BICD1: variants seen among roughly 807,000 people sequenced by gnomAD.
BICD1 encodes protein bicaudal D homolog 1.
Under a neutral mutation model 92.5 loss-of-function variants are expected in BICD1, and 35 were observed. That is an observed-to-expected ratio of 0.38 (90% CI 0.29 to 0.50). The LOEUF (loss-of-function observed/expected upper bound fraction) is 0.50, where lower values mean the gene tolerates loss of function less well. Among genes scored for constraint, BICD1 ranks in the 20% least tolerant of loss-of-function variants. The probability of loss-of-function intolerance (pLI) is 0.93; values close to 1 mark genes in which losing one functional copy is unlikely to be tolerated. For synonymous variants in BICD1, 429 were observed against 465.1 expected (o/e 0.92, Z 1.00); for missense variants, 950 against 1,189.8 (o/e 0.80, Z 2.97).
At position 32,239,653 on chromosome 12, in the gene BICD1, G is replaced by A. The variant is rs1343623676; in HGVS notation, c.426+23194G>A. Among the ~76,000 whole-genome samples the A allele has an allele frequency of 2.6e-5, 4 of 151,718 alleles. No homozygotes were observed. The South Asian group carries it at 8.3e-4, about 32-fold the overall frequency. Reference sequence around the variant, plus strand: ...TTTTGCTCTTGTTGCCCAGCCTGGAGTGCAACAAGAGCTGGCATGATCTCA... The same window carrying A: ...TTTTGCTCTTGTTGCCCAGCCTGGAATGCAACAAGAGCTGGCATGATCTCA... On this transcript the variant is annotated intron_variant, in intron 2 of 9. Transcript: ENST00000652176.
chr12:32,357,279 C>T (rs2136315134), intron 8 of BICD1, among the ~76,000 whole-genome samples: 1 of 152,282 alleles, frequency 6.6e-6, no homozygotes, highest in Admixed American at 6.5e-5. Context: ...TCCTAAAGTG[C>T]TGGGATTACA....
chr12:32,165,682 C>CAAAAA (rs35023796), intron 1 of BICD1, among the ~76,000 whole-genome samples: 1 of 128,112 alleles, frequency 7.8e-6, no homozygotes, highest in Non-Finnish European at 1.7e-5. Context: ...GACTCTGTCT[C>CAAAAA]AAAAAAAAAA....
At chr12:32,287,526 G>T (rs982862016) in intron 2 of BICD1, among the ~76,000 whole-genome samples, 2 of 150,488 alleles carry the variant, frequency 1.3e-5, no homozygotes, top group Non-Finnish European at 1.5e-5. Context: ...GCTCAGCTGG[G>T]TGGTGTTTTT....
chr12:32,233,322 T>TAAAAAAA (rs1555152907), intron 2 of BICD1, among the ~76,000 whole-genome samples: 2 of 127,080 alleles, frequency 1.6e-5, no homozygotes, highest in South Asian at 2.5e-4. Flanking sequence ...AGTCTGTCTT[T>TAAAAAAA]AAAAAAAAAA....
intron 8 of BICD1, chr12:32,340,567 A>T (rs1938327416): frequency 2.3e-6 from 2 of 860,640 alleles, no homozygotes; most frequent in Admixed American, 6.2e-5. Flanking sequence ...AAAAGATAAC[A>T]TCTCAATAAG....
intron 2 of BICD1, among the ~76,000 whole-genome samples, chr12:32,247,366 G>A (rs1187922634): frequency 6.6e-6 from 1 of 152,124 alleles, no homozygotes; most frequent in Non-Finnish European, 1.5e-5. Context: ...GTGAATAGAT[G>A]ACATTTTAAG....
chr12:32,340,315 G>A (rs1358179315), intron 8 of BICD1: 1 of 985,230 alleles, frequency 1.0e-6, no homozygotes, highest in Non-Finnish European at 1.2e-6. Flanking sequence ...AAGAAAAAAA[G>A]TAAAAACTGC....
intron 8 of BICD1, among the ~76,000 whole-genome samples, chr12:32,343,890 T>C (rs1160257029): frequency 6.6e-6 from 1 of 152,262 alleles, no homozygotes; most frequent in Admixed American, 6.5e-5. Context: ...TATGTTTCAC[T>C]GCATTCAAGC....
intron 1 of BICD1, among the ~76,000 whole-genome samples, chr12:32,178,245 C>T (rs1944175647): frequency 6.6e-6 from 1 of 151,898 alleles, no homozygotes; most frequent in African/African-American, 2.4e-5. Flanking sequence ...CTGACTCATT[C>T]ATAACATGAA....
rs565411820 is a variant in BICD1, at chr12:32,367,417, T to C, written c.2765-253T>C. 7.3e-5 allele frequency: 27 copies of C among 368,858 alleles called. No individual in the cohort carries two copies. In the East Asian group the frequency reaches 1.2e-3, roughly 16 times the overall value. 22.8% of individuals were successfully genotyped at this position (368,858 alleles called of 1,614,324 possible). ...TACCAAAGACAAATGGCCACATATA[T>C]CCTAATGTACTTGAGAAATCTCGCT... On this transcript the variant is annotated intron_variant, in intron 8 of 9. Coordinates refer to ENST00000652176, the MANE Select transcript of BICD1 (RefSeq NM_001714.4).
chr12:32,212,241 C>A (rs1183936500), intron 1 of BICD1, among the ~76,000 whole-genome samples: 3 of 152,028 alleles, frequency 2.0e-5, no homozygotes, highest in Non-Finnish European at 4.4e-5. Flanking sequence ...ATTTCTGTTT[C>A]TGTGAGTGTA....
At chr12:32,332,609 G>C in intron 5 of BICD1, 1 of 324,396 alleles carries the variant, frequency 3.1e-6, no homozygotes, top group Non-Finnish European at 4.4e-6. Context: ...CACAATTACA[G>C]TTCAACGTTA....
intron 2 of BICD1, among the ~76,000 whole-genome samples, chr12:32,246,828 T>C (rs1184790958): frequency 6.6e-6 from 1 of 152,080 alleles, no homozygotes; most frequent in East Asian, 1.9e-4. Context: ...AAACTTACAG[T>C]CAAGTGTGTG....
At chr12:32,258,047 C>T (rs12228244) in intron 2 of BICD1, among the ~76,000 whole-genome samples, 7,277 of 152,150 alleles carry the variant, frequency 0.048, 285 homozygotes, top group East Asian at 0.2. Flanking sequence ...GTTTATTATA[C>T]GCCTAGAGGT....
chr12:32,220,397 GA>G (rs1279788380), intron 2 of BICD1, among the ~76,000 whole-genome samples: 1 of 152,054 alleles, frequency 6.6e-6, no homozygotes, highest in Non-Finnish European at 1.5e-5. Context: ...AAATTTACAA[GA>G]AAAAAACCAA....
chr12:32,313,785 G>A lies in BICD1; in HGVS notation c.1005+7663G>A, dbSNP rs955892572. Among the ~76,000 whole-genome samples, 2 of 152,120 alleles carry A rather than the reference G, an allele frequency of 1.3e-5. No homozygotes were observed. Among genetic ancestry groups the A allele is most frequent in the African/African-American group, 4.8e-5 (2 of 41,422 alleles). ...GAGGCCAGGGGTTTGAGACCAGCCT[G>A]GGCCACATGGCAAAACCCCATCTCT... On this transcript the variant is annotated intron_variant, in intron 4 of 9. Coordinates refer to ENST00000652176, the MANE Select transcript of BICD1 (RefSeq NM_001714.4). This position sits in a 1 kb window ranked among gnomAD's most constrained non-coding sequence, Gnocchi z 4.2.
At chr12:32,152,574 T>C (rs1363055858) in intron 1 of BICD1, among the ~76,000 whole-genome samples, 1 of 152,150 alleles carries the variant, frequency 6.6e-6, no homozygotes, top group African/African-American at 2.4e-5. Context: ...GAGAGAGAAA[T>C]TGATTGGCCC....
At chr12:32,157,301 A>G (rs1809241) in intron 1 of BICD1, among the ~76,000 whole-genome samples, 38,697 of 152,006 alleles carry the variant, frequency 0.25, 5,086 homozygotes, top group South Asian at 0.36. Context: ...TTTTAATACT[A>G]CCCTTTATTA....
At chr12:32,179,989 C>A (rs77736493) in intron 1 of BICD1, among the ~76,000 whole-genome samples, 283 of 122,070 alleles carry the variant, frequency 2.3e-3, no homozygotes, top group Middle Eastern at 8.5e-3. Flanking sequence ...GACACGCTCT[C>A]AAAAAAAAAA....
Sources: gnomAD v4.1 joint callset for allele counts (sites outside exome capture counted in the v4.1 genomes callset) on GRCh38, gnomAD v4.1.1 for gene constraint, Gnocchi (gnomAD v3.1) non-coding constraint, MANE v1.5 for transcripts, NCBI Gene and HGNC (gene_info 2026-07-23, HGNC 2026-07-21) for gene names.